Variants in FHOD1 observed in about 807,000 individuals in gnomAD.
FHOD1 encodes the protein formin homology 2 domain containing 1.
A neutral mutation model predicts 111.6 loss-of-function variants in FHOD1; 89 were observed. The observed-to-expected ratio is 0.80, with a 90% CI of 0.67 to 0.95. The LOEUF (loss-of-function observed/expected upper bound fraction) is 0.95, where lower values mean the gene tolerates loss of function less well. FHOD1 is among the 40% of genes least tolerant of loss of function. The pLI is 0.00. For missense variants in FHOD1, 1,446 were observed against 1,554.2 expected (o/e 0.93, Z 1.17); for synonymous variants, 618 against 639.0 (o/e 0.97, Z 0.50).
chr16:67,232,879 C>T (rs1335811010), intron 13 of FHOD1, among the ~76,000 whole-genome samples: 1 of 151,846 alleles, frequency 6.6e-6, no homozygotes, highest in African/African-American at 2.4e-5. Context: ...GCCTCAGCCT[C>T]CCAAGTAGCT....
chr16:67,230,143 T>A lies in FHOD1; in HGVS notation c.3137A>T (p.Asp1046Val). The A allele has an allele frequency of 6.2e-7, 1 of 1,614,140 alleles. No individual in the cohort carries two copies. Among genetic ancestry groups the A allele is most frequent in the Non-Finnish European group, 8.5e-7 (1 of 1,180,008 alleles). The change falls in exon 20 of 22, where the codon GAT (aspartate) becomes GTT (valine). Residue 1046 changes from aspartate to valine, a missense_variant. Around this residue, in one of 3 missense-constraint regions of FHOD1, gnomAD observed 1,085 missense variants for 1,108.8 expected, o/e 0.98. Transcript: ENST00000258201. ...CTTCATACTAGCATGACTGTCAGCA[T>A]CTCCCCGGCCTGGCCCGCTGCTCAC... ...VAVSSGPGRG[D>V]ADSHASMKSL...
rs746490649 is a variant in FHOD1, at chr16:67,231,652, A to G, written c.2370T>C (p.Tyr790=). ...ACCCAGGTACCCGCTCCATGCTGTC[A>G]TAGTCCAGCTTGAAGGCCCAGAGTT... ...RLQLWAFKLD[Y]DSMEREIAEP... is the part of the protein sequence containing the mutation. Residue 790 remains tyrosine, a synonymous_variant, in exon 15 of 22, where the codon TAT becomes TAC. Coordinates refer to ENST00000258201, the MANE Select transcript of FHOD1 (RefSeq NM_013241.3). The surrounding 1 kb of genome is among the most constrained non-coding windows in gnomAD (Gnocchi z 4.3). The G allele has an allele frequency of 5.6e-6, 9 of 1,614,164 alleles. No homozygotes were observed. Among genetic ancestry groups the G allele is most frequent in the African/African-American group, 5.3e-5 (4 of 75,040 alleles).
chr16:67,234,757 G>GT (rs1319025667), intron 11 of FHOD1: 639 of 373,570 alleles, frequency 1.7e-3, no homozygotes, highest in Middle Eastern at 2.9e-3. Flanking sequence ...CACTGTCCTG[G>GT]TTTTTTTTTG....
rs571524495 is a variant in FHOD1, at chr16:67,238,091, C to T, written c.585G>A (p.Leu195=). The T allele has an allele frequency of 5.0e-6, 8 of 1,614,224 alleles. No homozygotes were observed. In the African/African-American group the frequency reaches 9.3e-5, roughly 19 times the overall value. ...TAGTGTCACTGTGGGCCACCACCCC[C>T]AGCATTCCATCCACAAAGAGCATCA... ...GQLMLFVDGM[L]GVVAHSDTIQ... The change falls in exon 6 of 22, where the codon CTG becomes CTA. Residue 195 remains leucine (L), a synonymous_variant. Transcript: ENST00000258201. The surrounding 1 kb of genome is among the most constrained non-coding windows in gnomAD (Gnocchi z 4.2).
At chr16:67,235,385 C>T (rs2034438867) in intron 11 of FHOD1, among the ~76,000 whole-genome samples, 1 of 151,978 alleles carries the variant, frequency 6.6e-6, no homozygotes, top group Admixed American at 6.6e-5. Context: ...CAAAAATTAC[C>T]CAGGTATCCT....
chr16:67,239,558 C>A, intron 1 of FHOD1, 104 bp from the exon 2 acceptor site: 1 of 791,748 alleles, frequency 1.3e-6, no homozygotes, highest in Non-Finnish European at 2.2e-6. Flanking sequence ...CAGAGAGACA[C>A]AGGGTCTGCA....
rs932585839 is a variant in FHOD1, at chr16:67,238,544, T to C, written c.374-97A>G. 8.4e-7 allele frequency: 1 copy of C among 1,192,266 alleles called. No individual in the cohort carries two copies. Among genetic ancestry groups the C allele is most frequent in the Non-Finnish European group, 1.2e-6 (1 of 820,136 alleles). 73.9% of individuals were successfully genotyped at this position (1,192,266 alleles called of 1,614,324 possible). ...AACTCTCCACCAAAGAATAGTCTAA[T>C]ATATATGTTTTGGTCTGAGAGACAG... On this transcript the variant is annotated intron_variant, in intron 3 of 21. Transcript: ENST00000258201. This position sits in a 1 kb window ranked among gnomAD's most constrained non-coding sequence, Gnocchi z 4.2.
At chr16:67,241,902 G>A (rs1260718711) in intron 1 of FHOD1, among the ~76,000 whole-genome samples, 1 of 152,188 alleles carries the variant, frequency 6.6e-6, no homozygotes, top group African/African-American at 2.4e-5. Flanking sequence ...CAAGAGAGCA[G>A]AGAATGTCCC....
In FHOD1 at chr16:67,234,200, G is replaced by A; in HGVS notation, c.1503C>T (p.Pro501=). The stretch of plus-strand genomic sequence containing the variant: ...TTCGCTGGGCCCGGAGCAGGACACA[G>A]GGGGCAGGGCTCTGGGGTGTTCTGG... ...PAARTPQSPA[P]CVLLRAQRSL... Residue 501 remains proline, a synonymous_variant, in exon 13 of 22, where the codon CCC becomes CCT. Coordinates refer to ENST00000258201, the MANE Select transcript of FHOD1 (RefSeq NM_013241.3). 1 of 1,548,322 alleles carries A rather than the reference G, an allele frequency of 6.5e-7. No individual in the cohort carries two copies. Among genetic ancestry groups the A allele is most frequent in the Non-Finnish European group, 8.7e-7 (1 of 1,145,690 alleles).
intron 2 of FHOD1, 78 bp downstream of exon 2, chr16:67,239,270 G>T: frequency 8.9e-7 from 1 of 1,119,676 alleles, no homozygotes; most frequent in Non-Finnish European, 1.4e-6. Flanking sequence ...GTGATCGAGT[G>T]TCTCAGCTGC....
In FHOD1 at chr16:67,237,764, C is replaced by T. The variant is rs766104962; in HGVS notation, c.647G>A (p.Arg216His). Residue 216 changes from arginine to histidine, a missense_variant, in exon 7 of 22, where the codon CGC becomes CAC. Arg to His is a conservative substitution (Grantham distance 29). Transcript: ENST00000258201. The surrounding 1 kb of genome is among the most constrained non-coding windows in gnomAD (Gnocchi z 5.6). ...WLYTLCASLS[R>H]LVVKTALKLL... ...CTTCAGGGCTGTCTTCACCACCAAG[C>T]GGGACTGAGGAGAGAGGTCAGTACA... is the stretch of plus-strand genomic sequence containing the variant. 5.0e-6 allele frequency: 8 copies of T among 1,613,816 alleles called. No homozygotes were observed. Among genetic ancestry groups the T allele is most frequent in the Middle Eastern group, 1.6e-4 (1 of 6,072 alleles).
rs763232262 is a variant in FHOD1 at position 67,229,630 on chromosome 16, G to A, written c.*6C>T. 2.6e-5 allele frequency: 42 copies of A among 1,612,944 alleles called. No individual in the cohort carries two copies. The highest frequency in any genetic ancestry group is 3.5e-5 in the Non-Finnish European group (41 of 1,179,016). On this transcript the variant is annotated 3_prime_UTR_variant, in exon 22 of 22. Transcript: ENST00000258201. ...GGTCCAGATAGATTTCCGGGATACA[G>A]CACCTTCACACCTCCAGGCCAGGAC...
Position 67,230,047 on chromosome 16 carries a change from C to T in FHOD1, c.3214+19G>A. On this transcript the variant is annotated intron_variant, in intron 20 of 21. Transcript: ENST00000258201. ...AGGTGGCACTGGAGCCCATTCCCCA[C>T]AGCTGCTATGGGCCTCACCTCTGCT... 6.2e-7 allele frequency: 1 copy of T among 1,613,218 alleles called. No homozygotes were observed. Among genetic ancestry groups the T allele is most frequent in the Non-Finnish European group, 8.5e-7 (1 of 1,179,266 alleles).
Position 67,239,391 on chromosome 16 carries a change from C to T in FHOD1, c.265G>A (p.Glu89Lys), listed in dbSNP as rs1202882602. 6.2e-7 allele frequency: 1 copy of T among 1,614,068 alleles called. No homozygotes were observed. The highest frequency in any genetic ancestry group is 8.5e-7 in the Non-Finnish European group (1 of 1,180,044). ...CCCTCCAGCATCTCCCGCTGCTCTTCCAGGGACAGCTCGGTGTCCAGGTAG... is the reference window on the plus strand; with the variant it reads ...CCCTCCAGCATCTCCCGCTGCTCTTTCAGGGACAGCTCGGTGTCCAGGTAG... ...GYYLDTELSL[E>K]EQREMLEGFY... The change falls in exon 2 of 22, where the codon GAA (glutamate) becomes AAA (lysine). Residue 89 changes from glutamate (E) to lysine (K), a missense_variant. Coordinates refer to ENST00000258201, the MANE Select transcript of FHOD1 (RefSeq NM_013241.3).
At position 67,244,263 on chromosome 16, in the gene FHOD1, C is replaced by T. The variant is rs75160741; in HGVS notation, c.201+2947G>A. Among the ~76,000 whole-genome samples, 96 of 152,116 alleles carry T rather than the reference C, an allele frequency of 6.3e-4. No homozygotes were observed. The East Asian group carries it at 0.017, about 27-fold the overall frequency. On this transcript the variant is annotated intron_variant, in intron 1 of 21. Transcript: ENST00000258201. ...CCAGGTGTGGTAGGGCCTTGGGTAT[C>T]GGAGAGGCTCCTGAGACACTTCCCA... is the stretch of plus-strand genomic sequence containing the variant.
Position 67,231,778 on chromosome 16 carries a change from C to T in FHOD1, c.2244G>A (p.Lys748=). The T allele has an allele frequency of 6.2e-7, 1 of 1,614,048 alleles. No individual in the cohort carries two copies. Among genetic ancestry groups the T allele is most frequent in the Non-Finnish European group, 8.5e-7 (1 of 1,180,000 alleles). The change falls in exon 15 of 22, where the codon AAG becomes AAA. Residue 748 remains lysine, a synonymous_variant. Transcript: ENST00000258201. The surrounding 1 kb of genome is among the most constrained non-coding windows in gnomAD (Gnocchi z 4.3). ...TMMPTEEERQ[K]IEEAQLANPD... ...GGTTGGCCAGCTGGGCTTCCTCAAT[C>T]TTCTGCCGCTCTTCCTCCGTGGGCA... is the stretch of plus-strand genomic sequence containing the variant.
At chr16:67,234,920 A>C (rs1244971183) in intron 11 of FHOD1, among the ~76,000 whole-genome samples, 2 of 151,888 alleles carry the variant, frequency 1.3e-5, no homozygotes, top group East Asian at 1.9e-4. Context: ...CACCACGTCC[A>C]GCTGATTTTT....
At chr16:67,242,539 C>G (rs1459571544) in intron 1 of FHOD1, among the ~76,000 whole-genome samples, 1 of 152,246 alleles carries the variant, frequency 6.6e-6, no homozygotes, top group African/African-American at 2.4e-5. Context: ...AGAGCCAAAC[C>G]TCTGGGCCTT....
At position 67,233,961 on chromosome 16, in the gene FHOD1, C is replaced by A; in HGVS notation, c.1742G>T (p.Gly581Val). The change falls in exon 13 of 22, where the codon GGA (glycine) becomes GTA (valine). Residue 581 changes from glycine to valine, a missense_variant. Around this residue, in one of 3 missense-constraint regions of FHOD1, gnomAD observed 1,085 missense variants for 1,108.8 expected, o/e 0.98. Transcript: ENST00000258201. ...APSPPLPLLS[G>V]VPPPPPLPPP... The stretch of plus-strand genomic sequence containing the variant: ...TGGAAGTGGGGGAGGGGGGGGTACT[C>A]CCGAGAGCAGGGGCAGTGGGGGTGA... 6.2e-7 allele frequency: 1 copy of A among 1,605,660 alleles called. No individual in the cohort carries two copies. The highest frequency in any genetic ancestry group is 8.5e-7 in the Non-Finnish European group (1 of 1,177,942).
Sources: allele counts gnomAD v4.1 joint callset (sites outside exome capture counted in the v4.1 genomes callset), GRCh38; gene constraint gnomAD v4.1.1; regional missense constraint gnomAD v4.1.1; non-coding constraint Gnocchi (gnomAD v3.1); transcripts MANE v1.5; gene names NCBI Gene and HGNC (gene_info 2026-07-23, HGNC 2026-07-21).